Variants in TRHDE observed in about 807,000 individuals in gnomAD.
TRHDE encodes thyrotropin releasing hormone degrading enzyme, also known as thyrotropin-releasing hormone-degrading ectoenzyme.
Under a neutral mutation model 125.7 loss-of-function variants are expected in TRHDE, and 72 were observed. The observed-to-expected ratio is 0.57, with a 90% CI of 0.47 to 0.70. The LOEUF (loss-of-function observed/expected upper bound fraction) is 0.70. Among genes scored for constraint, TRHDE ranks in the 30% least tolerant of loss-of-function variants. The probability of loss-of-function intolerance (pLI) is 0.00; values close to 1 mark genes in which losing one functional copy is unlikely to be tolerated. For synonymous variants in TRHDE, 509 were observed against 509.1 expected, an observed-to-expected ratio of 1.00 and a Z score of 0.00; for missense variants, 1,110 against 1,327.1, an observed-to-expected ratio of 0.84 and a Z score of 2.54.
chr12:72,221,765 T>C (rs942545137), intron 2 of TRHDE, among the ~76,000 whole-genome samples: 1 of 152,182 alleles, frequency 6.6e-6, no homozygotes, highest in African/African-American at 2.4e-5. Flanking sequence ...CAGAATACCA[T>C]ACATTCAGCT....
intron 2 of TRHDE, among the ~76,000 whole-genome samples, chr12:72,365,260 G>T (rs1299429180): frequency 3.3e-5 from 5 of 152,044 alleles, no homozygotes; most frequent in African/African-American, 1.2e-4. Flanking sequence ...AAGCTTTGAG[G>T]TTTGCTTGTT....
intron 2 of TRHDE, among the ~76,000 whole-genome samples, chr12:72,315,816 A>G (rs1370576950): frequency 2.0e-5 from 3 of 152,218 alleles, no homozygotes; most frequent in African/African-American, 7.2e-5. Flanking sequence ...GAGAGCTGGC[A>G]ATACAGCATT....
chr12:72,596,961 T>C (rs939196527), intron 12 of TRHDE, among the ~76,000 whole-genome samples: 2 of 152,226 alleles, frequency 1.3e-5, no homozygotes, highest in East Asian at 3.8e-4. Flanking sequence ...AAAAACATGC[T>C]CAGATTTTAA....
chr12:72,169,201 G>A (rs1182614724), intron 2 of TRHDE, among the ~76,000 whole-genome samples: 1 of 151,564 alleles, frequency 6.6e-6, no homozygotes, highest in African/African-American at 2.4e-5. Context: ...AAGTTTCAGT[G>A]GTTCTCAACC....
rs191810029 is a variant in TRHDE, at chr12:72,507,856, A to G, written c.1722+8221A>G. Among the ~76,000 whole-genome samples, 458 of 152,342 alleles carry G rather than the reference A, an allele frequency of 3.0e-3. 1 individual carries two copies. The highest frequency in any genetic ancestry group is 4.6e-3 in the Non-Finnish European group (315 of 68,026). ...AAGCATGGTTTCATGGGCCATGCCC[A>G]TAGCCCTGCTGCTCTGTGCAGTCTT... is the stretch of plus-strand genomic sequence containing the variant. On this transcript the variant is annotated intron_variant, in intron 6 of 18. Coordinates refer to ENST00000261180, the MANE Select transcript of TRHDE (RefSeq NM_013381.3).
At chr12:72,477,945 G>T (rs566730753) in intron 5 of TRHDE, among the ~76,000 whole-genome samples, 2 of 152,156 alleles carry the variant, frequency 1.3e-5, no homozygotes, top group African/African-American at 4.8e-5. Flanking sequence ...ATGAGTGTAT[G>T]TTCTTTCATT....
chr12:72,241,745 A>G (rs1259063084), intron 2 of TRHDE, among the ~76,000 whole-genome samples: 1 of 152,192 alleles, frequency 6.6e-6, no homozygotes, highest in Non-Finnish European at 1.5e-5. Flanking sequence ...TGGCTGAGTC[A>G]GTTTTTGTTG....
chr12:72,473,127 G>C lies in TRHDE; in HGVS notation c.1531G>C (p.Ala511Pro), dbSNP rs893229287. The C allele has an allele frequency of 6.2e-7, 1 of 1,614,012 alleles. No individual in the cohort carries two copies. The highest frequency in any genetic ancestry group is 8.5e-7 in the Non-Finnish European group (1 of 1,179,912). ...AGACGTGTGGCTGAAGGAAGGGTTT[G>C]CTCACTACTTTGAATTTGTTGGTAC... is the stretch of plus-strand genomic sequence containing the variant. ...WEDVWLKEGF[A>P]HYFEFVGTDY... Residue 511 changes from alanine to proline, a missense_variant, in exon 5 of 19, where the codon GCT (alanine) becomes CCT (proline). Ala to Pro is a conservative substitution (Grantham distance 27). Around this residue, in one of 5 missense-constraint regions of TRHDE, gnomAD observed 11 missense variants for 37.5 expected, o/e 0.29. Transcript: ENST00000261180.
intron 3 of TRHDE, among the ~76,000 whole-genome samples, chr12:72,390,966 C>T (rs571965946): frequency 1.2e-3 from 189 of 151,838 alleles, no homozygotes; most frequent in Non-Finnish European, 1.7e-3. Context: ...GTCCTCAGCA[C>T]GTCGTATAAA....
intron 9 of TRHDE, among the ~76,000 whole-genome samples, chr12:72,564,247 A>G (rs554080382): frequency 2.2e-4 from 33 of 152,216 alleles, no homozygotes; most frequent in South Asian, 1.7e-3. Context: ...GACTCTGTCA[A>G]TGCTTCTTCC....
Position 72,668,192 on chromosome 12 carries a change from G to A in TRHDE, c.*4997G>A, listed in dbSNP as rs560300680. On this transcript the variant is annotated 3_prime_UTR_variant, in exon 19 of 19. Coordinates refer to ENST00000261180, the MANE Select transcript of TRHDE (RefSeq NM_013381.3). The stretch of plus-strand genomic sequence containing the variant: ...TTTATTTAATGTGATATAGATTCAG[G>A]AAAAGTCTAACAAAAATGTACTTCA... 7.9e-5 allele frequency: 12 copies of A among 151,652 alleles called. No homozygotes were observed. The South Asian group carries it at 1.5e-3, about 18-fold the overall frequency. The allele number at this position is 151,652 out of a possible 1,614,324, so 9.4% of individuals were successfully genotyped here. A position where few individuals can be genotyped will look rare whatever the true frequency, so the allele number is the denominator to read the frequency against.
At chr12:72,153,398 A>G in intron 2 of TRHDE, among the ~76,000 whole-genome samples, 1 of 151,910 alleles carries the variant, frequency 6.6e-6, no homozygotes, top group Non-Finnish European at 1.5e-5. Context: ...TATTTCCTTC[A>G]GTTCTGCTCT....
At chr12:72,417,566 G>A (rs1017539517) in intron 3 of TRHDE, among the ~76,000 whole-genome samples, 6 of 151,784 alleles carry the variant, frequency 4.0e-5, no homozygotes, top group Non-Finnish European at 7.4e-5. Context: ...TTTTTCAGAG[G>A]GGGAAAATTG....
At chr12:72,225,281 A>G (rs761217505) in intron 2 of TRHDE, among the ~76,000 whole-genome samples, 79 of 152,220 alleles carry the variant, frequency 5.2e-4, no homozygotes, top group Admixed American at 3.1e-3. Context: ...CAGATAAGGA[A>G]TGAATGTGCA....
intron 1 of TRHDE, among the ~76,000 whole-genome samples, chr12:72,276,893 A>G (rs1390564068): frequency 6.6e-6 from 1 of 152,206 alleles, no homozygotes; most frequent in African/African-American, 2.4e-5. Flanking sequence ...CCGACAAAAG[A>G]GTATGCTTGC....
chr12:72,247,240 G>GA (rs1431615726), intron 2 of TRHDE, among the ~76,000 whole-genome samples: 1 of 152,028 alleles, frequency 6.6e-6, no homozygotes, highest in African/African-American at 2.4e-5. Context: ...TAGGAAATAA[G>GA]AAAAAATCTG....
At chr12:72,603,702 G>A (rs1384397648) in intron 12 of TRHDE, among the ~76,000 whole-genome samples, 1 of 152,064 alleles carries the variant, frequency 6.6e-6, no homozygotes, top group East Asian at 1.9e-4. Flanking sequence ...TCCAGCCTGG[G>A]CGACAGAGTG....
At chr12:72,453,744 G>A (rs1875697173) in intron 3 of TRHDE, among the ~76,000 whole-genome samples, 1 of 152,180 alleles carries the variant, frequency 6.6e-6, no homozygotes, top group Admixed American at 6.5e-5. Context: ...GTTGCCCTGG[G>A]CAGCCTTGGG....
chr12:72,525,859 A>G (rs1263111192), intron 6 of TRHDE, among the ~76,000 whole-genome samples: 1 of 152,126 alleles, frequency 6.6e-6, no homozygotes, highest in Admixed American at 6.6e-5. Context: ...TACATATACC[A>G]TTAGTGATTA....
Sources: gnomAD v4.1 joint callset for allele counts (sites outside exome capture counted in the v4.1 genomes callset) on GRCh38, gnomAD v4.1.1 for gene constraint, gnomAD v4.1.1 regional missense constraint, MANE v1.5 for transcripts, NCBI Gene and HGNC (gene_info 2026-07-23, HGNC 2026-07-21) for gene names.